The following DENND2C variants were observed in gnomAD, a reference collection of about 807,000 sequenced individuals.
The protein encoded by DENND2C is DENN domain containing 2C.
In DENND2C, 72 loss-of-function variants were observed where a neutral mutation model predicts 112.4. The observed-to-expected ratio is 0.64, with a 90% CI of 0.53 to 0.78. The LOEUF (loss-of-function observed/expected upper bound fraction) is 0.78, where lower values mean the gene tolerates loss of function less well. Among genes scored for constraint, DENND2C ranks in the 30% least tolerant of loss-of-function variants. DENND2C has a pLI of 0.00. For synonymous variants in DENND2C, 329 were observed against 381.6 expected, an observed-to-expected ratio of 0.86 and a Z score of 1.61; for missense variants, 992 against 1,113.8, an observed-to-expected ratio of 0.89 and a Z score of 1.56.
At chr1:114,618,016 T>TCTTG (rs1461895690) in intron 8 of DENND2C, among the ~76,000 whole-genome samples, 1 of 149,148 alleles carries the variant, frequency 6.7e-6, no homozygotes, top group Non-Finnish European at 1.5e-5. Flanking sequence ...TGAGATGGAG[T>TCTTG]CTTGCTCTGT....
chr1:114,646,377 A>G (rs557711860), intron 2 of DENND2C, among the ~76,000 whole-genome samples: 2 of 152,360 alleles, frequency 1.3e-5, no homozygotes, highest in East Asian at 3.9e-4. Context: ...TGACATTTTA[A>G]GTTTTGCAAC....
In DENND2C at chr1:114,594,498, C is replaced by A. The variant is rs1230835423; in HGVS notation, c.2406G>T (p.Leu802Phe). 6 of 1,613,828 alleles carry A rather than the reference C, an allele frequency of 3.7e-6. No homozygotes were observed. The highest frequency in any genetic ancestry group is 3.3e-5 in the South Asian group (3 of 91,070). ...MQILEERNEI[L>F]TQEQNFSQDV... ...CTTGTGAAAAATTCTGCTCCTGAGT[C>A]AAGATTTCATTTCGTTCTTCCAAAA... The change falls in exon 18 of 21, where the codon TTG becomes TTT. Residue 802 changes from leucine to phenylalanine, a missense_variant. By Grantham distance (22) the Leu-to-Phe change is conservative (BLOSUM62 0). Coordinates refer to ENST00000393274, the MANE Select transcript of DENND2C (RefSeq NM_001256404.2).
rs1244125671 is a variant in DENND2C at position 114,583,123 on chromosome 1, G to GT, written c.*2476dup. 6.6e-6 allele frequency: 1 copy of GT among 152,172 alleles called. No homozygotes were observed. Among genetic ancestry groups the GT allele is most frequent in the Non-Finnish European group, 1.5e-5 (1 of 68,042 alleles). The allele number at this position is 152,172 out of a possible 1,614,324, so 9.4% of individuals were successfully genotyped here. ...TTAACTGTTCCTGCTGGGTTGGAGT[G>GT]TAAGAAGAGACCAAATGGAGAGATG... On this transcript the variant is annotated 3_prime_UTR_variant, in exon 21 of 21. Coordinates refer to ENST00000393274, the MANE Select transcript of DENND2C (RefSeq NM_001256404.2).
At chr1:114,665,535 T>C (rs1200367131) in intron 1 of DENND2C, among the ~76,000 whole-genome samples, 1 of 152,124 alleles carries the variant, frequency 6.6e-6, no homozygotes, top group Non-Finnish European at 1.5e-5. Flanking sequence ...TATGATGGGG[T>C]TACATTCGGA....
intron 3 of DENND2C, among the ~76,000 whole-genome samples, chr1:114,628,676 A>G (rs1417460309): frequency 6.6e-6 from 1 of 152,250 alleles, no homozygotes; most frequent in African/African-American, 2.4e-5. Flanking sequence ...GTGTTCTCAC[A>G]TACAGGTTGT....
At chr1:114,617,933 C>A (rs372803649) in intron 8 of DENND2C, among the ~76,000 whole-genome samples, 21 of 151,744 alleles carry the variant, frequency 1.4e-4, no homozygotes, top group African/African-American at 5.1e-4. Flanking sequence ...ATTTGAGAAA[C>A]AATCCCTTAT....
chr1:114,608,632 G>T (rs1655724417), intron 10 of DENND2C, 54 bp downstream of exon 10: 1 of 1,571,924 alleles, frequency 6.4e-7, no homozygotes, highest in East Asian at 2.2e-5. Context: ...GGAAATACAT[G>T]TACACAGAGA....
At position 114,584,781 on chromosome 1, in the gene DENND2C, G is replaced by GT; in HGVS notation, c.*818dup. 1 of 152,124 alleles carries GT rather than the reference G, an allele frequency of 6.6e-6. No homozygotes were observed. Among genetic ancestry groups the GT allele is most frequent in the Middle Eastern group, 3.4e-3 (1 of 294 alleles). The allele number at this position is 152,124 out of a possible 1,614,324, so 9.4% of individuals were successfully genotyped here. On this transcript the variant is annotated 3_prime_UTR_variant, in exon 21 of 21. Transcript: ENST00000393274. Reference sequence around the variant, plus strand: ...AAATTTATTTACTTATTTTTAAAATGTTTTTGTAGAGATGGGATCTTGCTA... The same window carrying GT: ...AAATTTATTTACTTATTTTTAAAATGTTTTTTGTAGAGATGGGATCTTGCTA...
intron 15 of DENND2C, 68 bp downstream of exon 15, chr1:114,600,136 G>GC (rs1223344764): frequency 7.9e-6 from 12 of 1,524,264 alleles, no homozygotes; most frequent in Non-Finnish European, 1.1e-5. Context: ...AAAAAAAAAT[G>GC]CCCCAATTTT....
chr1:114,586,261 A>C (rs975754061), intron 20 of DENND2C, among the ~76,000 whole-genome samples: 4 of 152,194 alleles, frequency 2.6e-5, no homozygotes, highest in African/African-American at 9.6e-5. Flanking sequence ...CTTTTGCCTC[A>C]GAAGTCCCTC....
At chr1:114,647,999 G>A (rs1657044960) in intron 2 of DENND2C, among the ~76,000 whole-genome samples, 1 of 152,090 alleles carries the variant, frequency 6.6e-6, no homozygotes, top group Admixed American at 6.5e-5. Context: ...GTAGAGGCAT[G>A]GTTTCACCAT....
At position 114,636,858 on chromosome 1, in the gene DENND2C, A is replaced by G. The variant is rs191210472; in HGVS notation, c.-205+8590T>C. ...AGAATTTAGCAAGGTCTCAGAACAC[A>G]TGGTCAGTATAGAAGAATTAACTGT... is the stretch of plus-strand genomic sequence containing the variant. On this transcript the variant is annotated intron_variant, in intron 3 of 20. Transcript: ENST00000393274. Among the ~76,000 whole-genome samples the G allele has an allele frequency of 1.1e-3, 174 of 152,224 alleles. 1 individual carries two copies. Among genetic ancestry groups the G allele is most frequent in the African/African-American group, 3.9e-3 (163 of 41,556 alleles).
chr1:114,608,267 T>TA lies in DENND2C; in HGVS notation c.1557+418dup, dbSNP rs540867731. On this transcript the variant is annotated intron_variant, in intron 10 of 20. Coordinates refer to ENST00000393274, the MANE Select transcript of DENND2C (RefSeq NM_001256404.2). ...CTGGGCAACAGAGCAAGACTCCATC[T>TA]AAAAAAAAAAAAGAAAGAAAAAGAA... Among the ~76,000 whole-genome samples the TA allele has an allele frequency of 1.4e-3, 204 of 141,392 alleles. 1 individual carries two copies. The highest frequency in any genetic ancestry group is 4.2e-3 in the African/African-American group (160 of 38,414). The allele number at this position is 141,392 out of a possible 152,430, so 92.8% of individuals were successfully genotyped here.
intron 15 of DENND2C, 64 bp from the exon 16 acceptor site, chr1:114,599,515 T>C: frequency 7.4e-7 from 1 of 1,357,636 alleles, no homozygotes; most frequent in South Asian, 1.9e-5. Flanking sequence ...ATTTCAGTTA[T>C]TATGTTAAAG....
At chr1:114,658,978 A>G (rs1657407983) in intron 1 of DENND2C, among the ~76,000 whole-genome samples, 1 of 152,172 alleles carries the variant, frequency 6.6e-6, no homozygotes, top group African/African-American at 2.4e-5. Flanking sequence ...TGGAGTGCAC[A>G]TTAAACTCAG....
chr1:114,602,234 T>C, intron 11 of DENND2C, 40 bp from the exon 12 acceptor site: 1 of 1,597,676 alleles, frequency 6.3e-7, no homozygotes, highest in Non-Finnish European at 8.6e-7. Flanking sequence ...ATCCAAACAA[T>C]TACTTATGGC....
chr1:114,594,473 C>A lies in DENND2C; in HGVS notation c.2431G>T (p.Asp811Tyr). ...ILTQEQNFSQ[D>Y]VTLNSLVSEA... ...AGTCCTTGGCTCACTTGTCTCATAC[C>A]TTGTGAAAAATTCTGCTCCTGAGTC... Residue 811 changes from aspartate to tyrosine, a missense_variant and splice_region_variant, in exon 18 of 21, where the codon GAT (aspartate) becomes TAT (tyrosine). This residue lies in a region of DENND2C where 516 missense variants were observed against 623.6 expected (regional missense o/e 0.83). Transcript: ENST00000393274. 1 of 1,613,168 alleles carries A rather than the reference C, an allele frequency of 6.2e-7. No homozygotes were observed. Among genetic ancestry groups the A allele is most frequent in the South Asian group, 1.1e-5 (1 of 91,038 alleles).
Position 114,593,610 on chromosome 1 carries a change from C to T in DENND2C, c.2431+863G>A, listed in dbSNP as rs190007908. ...AATCAACCTAGGCAACGTGGTGAGA[C>T]CCTGTCTCTACAAAAAATAAAAAGA... On this transcript the variant is annotated intron_variant, in intron 18 of 20. Transcript: ENST00000393274. Among the ~76,000 whole-genome samples, 174 of 152,036 alleles carry T rather than the reference C, an allele frequency of 1.1e-3. 2 individuals are homozygous for T. The highest frequency in any genetic ancestry group is 3.5e-3 in the Admixed American group (53 of 15,236).
At chr1:114,653,094 T>C (rs1400199916) in intron 2 of DENND2C, among the ~76,000 whole-genome samples, 1 of 151,986 alleles carries the variant, frequency 6.6e-6, no homozygotes, top group African/African-American at 2.4e-5. Context: ...CCAATAAAGT[T>C]TTTTTTAACT....
Sources: allele counts gnomAD v4.1 joint callset (sites outside exome capture counted in the v4.1 genomes callset), GRCh38; gene constraint gnomAD v4.1.1; regional missense constraint gnomAD v4.1.1; transcripts MANE v1.5; gene names NCBI Gene and HGNC (gene_info 2026-07-23, HGNC 2026-07-21).